Variants in AGBL1 observed in about 807,000 individuals in gnomAD.
AGBL1 encodes AGBL carboxypeptidase 1.
Under a neutral mutation model 118.9 loss-of-function variants are expected in AGBL1, and 130 were observed. The ratio of observed to expected loss-of-function variants is 1.09; its 90% CI spans 0.95 to 1.26. The LOEUF (loss-of-function observed/expected upper bound fraction) is 1.26, where lower values mean the gene tolerates loss of function less well. Ranked by LOEUF, AGBL1 falls within the 50% of genes most tolerant of loss-of-function variation. AGBL1 has a pLI of 0.00. For synonymous variants in AGBL1, 555 were observed against 478.9 expected (o/e 1.16, Z -2.08); for missense variants, 1,584 against 1,298.1 (o/e 1.22, Z -3.38).
intron 22 of AGBL1, among the ~76,000 whole-genome samples, chr15:86,878,515 C>G (rs1289319438): frequency 6.6e-6 from 1 of 152,132 alleles, no homozygotes; most frequent in Non-Finnish European, 1.5e-5. Flanking sequence ...GCGGGTGCTC[C>G]TCGGTACTTC....
intron 22 of AGBL1, among the ~76,000 whole-genome samples, chr15:86,817,463 TACACACACACACACAC>T (rs143498374): frequency 3.7e-5 from 5 of 133,410 alleles, no homozygotes; most frequent in African/African-American, 5.8e-5. Context: ...CTCTGAGAGA[TACACACACACACACAC>T]ACACACACAC....
chr15:86,716,360 T>C (rs529269271), intron 22 of AGBL1, among the ~76,000 whole-genome samples: 1 of 151,994 alleles, frequency 6.6e-6, no homozygotes, highest in Non-Finnish European at 1.5e-5. Flanking sequence ...TGGGGTCCCA[T>C]GGAGGGCTTT....
At chr15:86,640,620 A>T (rs1209705947) in intron 21 of AGBL1, among the ~76,000 whole-genome samples, 1 of 152,128 alleles carries the variant, frequency 6.6e-6, no homozygotes, top group Non-Finnish European at 1.5e-5. Context: ...AACAAGTTTA[A>T]CCATTTCTCT....
chr15:86,371,273 C>T (rs767677495), intron 17 of AGBL1, among the ~76,000 whole-genome samples: 1 of 152,076 alleles, frequency 6.6e-6, no homozygotes, highest in Non-Finnish European at 1.5e-5. Context: ...AAGGAGTTCA[C>T]AGGAATAAAA....
intron 22 of AGBL1, among the ~76,000 whole-genome samples, chr15:86,742,878 A>C (rs921374139): frequency 5.1e-4 from 77 of 152,350 alleles, no homozygotes; most frequent in African/African-American, 1.8e-3. Context: ...CAGGTAGCTT[A>C]GTTCAGCAAA....
intron 1 of AGBL1, among the ~76,000 whole-genome samples, chr15:86,130,990 C>T (rs1034770994): frequency 6.6e-6 from 1 of 152,138 alleles, no homozygotes. Context: ...ACATTTAATG[C>T]CAATTGATCC....
rs547004539 is a variant in AGBL1, at chr15:86,567,549, T to G, written c.2994+13012T>G. On this transcript the variant is annotated intron_variant, in intron 21 of 22. Coordinates refer to ENST00000614907, the MANE Select transcript of AGBL1 (RefSeq NM_001386094.1). ...TTAAATTTCTCCAAGATTGCTGAAT[T>G]TAAAAGGCTATTCTAATTATGAGCA... is the stretch of plus-strand genomic sequence containing the variant. 9.2e-5 allele frequency among the ~76,000 whole-genome samples: 14 copies of G among 152,300 alleles called. No individual in the cohort carries two copies. In the East Asian group the frequency reaches 2.5e-3, roughly 27 times the overall value.
intron 18 of AGBL1, among the ~76,000 whole-genome samples, chr15:86,489,425 T>C (rs980433763): frequency 3.9e-5 from 6 of 152,168 alleles, no homozygotes. Context: ...ATGTGACTAT[T>C]GGTAAGTTGT....
At chr15:87,024,883 T>C (rs977005088) in intron 24 of AGBL1, among the ~76,000 whole-genome samples, 2 of 151,910 alleles carry the variant, frequency 1.3e-5, no homozygotes, top group African/African-American at 2.4e-5. Flanking sequence ...CAAAAACACA[T>C]GATGATCTCA....
At chr15:86,454,290 TA>T (rs2082234033) in intron 18 of AGBL1, among the ~76,000 whole-genome samples, 2 of 152,198 alleles carry the variant, frequency 1.3e-5, no homozygotes, top group Admixed American at 1.3e-4. Flanking sequence ...TTGCCAAAAA[TA>T]TAGAACGATT....
intron 21 of AGBL1, among the ~76,000 whole-genome samples, chr15:86,565,593 G>A (rs778448249): frequency 7.2e-5 from 11 of 152,234 alleles, no homozygotes; most frequent in Non-Finnish European, 1.0e-4. Flanking sequence ...CCCACTTGAG[G>A]AGGAAGTCTG....
At chr15:86,931,363 A>C (rs1314249604) in intron 23 of AGBL1, among the ~76,000 whole-genome samples, 1 of 152,168 alleles carries the variant, frequency 6.6e-6, no homozygotes. Context: ...AGGTCTTCAG[A>C]GTGAGGTACC....
chr15:86,918,396 C>T (rs778280555), downstream of AGBL1, among the ~76,000 whole-genome samples: 2 of 152,146 alleles, frequency 1.3e-5, no homozygotes, highest in Non-Finnish European at 2.9e-5. Context: ...GGAAATGTTC[C>T]TAGTGGCAGT....
At chr15:86,593,163 CT>C (rs1489446353) in intron 21 of AGBL1, among the ~76,000 whole-genome samples, 5 of 152,178 alleles carry the variant, frequency 3.3e-5, no homozygotes, top group Admixed American at 3.3e-4. Flanking sequence ...CTTCATGCTG[CT>C]GCTTTTTCCT....
In AGBL1 at chr15:86,857,699, G is replaced by A. The variant is rs149353953; in HGVS notation, c.3159-49388G>A. 2.4e-3 allele frequency among the ~76,000 whole-genome samples: 364 copies of A among 152,202 alleles called. 1 individual carries two copies. Among genetic ancestry groups the A allele is most frequent in the Admixed American group, 4.4e-3 (67 of 15,290 alleles). On this transcript the variant is annotated intron_variant, in intron 22 of 22. Coordinates refer to ENST00000614907, the MANE Select transcript of AGBL1 (RefSeq NM_001386094.1). ...GACTCTTTCATTCAGACCTGGCTCCGTACTAGGCTCTGAGATGCAGGAGGG... is the reference window on the plus strand; with the variant it reads ...GACTCTTTCATTCAGACCTGGCTCCATACTAGGCTCTGAGATGCAGGAGGG...
chr15:86,719,808 T>C (rs920040187), intron 22 of AGBL1, among the ~76,000 whole-genome samples: 4 of 152,236 alleles, frequency 2.6e-5, no homozygotes, highest in Non-Finnish European at 4.4e-5. Flanking sequence ...ATTGATTTAT[T>C]TCTGTTAGAT....
At chr15:86,137,799 G>A (rs1007427113) in intron 1 of AGBL1, among the ~76,000 whole-genome samples, 2 of 152,144 alleles carry the variant, frequency 1.3e-5, no homozygotes, top group African/African-American at 4.8e-5. Flanking sequence ...CAACCATCCT[G>A]TATTTGAAGC....
intron 22 of AGBL1, among the ~76,000 whole-genome samples, chr15:86,821,210 G>A (rs948939469): frequency 6.6e-6 from 1 of 152,074 alleles, no homozygotes; most frequent in Non-Finnish European, 1.5e-5. Flanking sequence ...ATAGCATTAG[G>A]AGAAATACCT....
intron 18 of AGBL1, among the ~76,000 whole-genome samples, chr15:86,482,816 A>G (rs1456479720): frequency 6.6e-6 from 1 of 152,028 alleles, no homozygotes; most frequent in Non-Finnish European, 1.5e-5. Context: ...CATGATCTTA[A>G]TCATTCCAAC....
Sources: gnomAD v4.1 joint callset for allele counts (sites outside exome capture counted in the v4.1 genomes callset) on GRCh38, gnomAD v4.1.1 for gene constraint, MANE v1.5 for transcripts, NCBI Gene and HGNC (gene_info 2026-07-23, HGNC 2026-07-21) for gene names.